FRYL: variants seen among roughly 807,000 people sequenced by gnomAD.
The protein encoded by FRYL is FRY like transcription coactivator.
Under a neutral mutation model 351.2 loss-of-function variants are expected in FRYL, and 150 were observed. That is an observed-to-expected ratio of 0.43 (90% CI 0.37 to 0.49). The LOEUF (loss-of-function observed/expected upper bound fraction) is 0.49, where lower values mean the gene tolerates loss of function less well. Among genes scored for constraint, FRYL ranks in the 20% least tolerant of loss-of-function variants. The probability of loss-of-function intolerance (pLI) is 0.00; values close to 1 mark genes in which losing one functional copy is unlikely to be tolerated. For missense variants in FRYL, 3,036 were observed against 3,619.3 expected (o/e 0.84, Z 4.13); for synonymous variants, 1,153 against 1,257.1 (o/e 0.92, Z 1.75).
At chr4:48,499,826 C>T (rs1719151322) in intron 63 of FRYL, 146 bp from the exon 64 acceptor site, 1 of 840,454 alleles carries the variant, frequency 1.2e-6, no homozygotes. Context: ...CTCAAAGTAC[C>T]ACCTGAATTC....
chr4:48,689,185 C>T (rs1765460172), intron 2 of FRYL, among the ~76,000 whole-genome samples: 1 of 152,046 alleles, frequency 6.6e-6, no homozygotes, highest in Admixed American at 6.5e-5. Flanking sequence ...CATTTTCAGC[C>T]AGAACAGCAG....
At chr4:48,592,137 GTTTAAGC>G (rs1743535348) in intron 16 of FRYL, among the ~76,000 whole-genome samples, 2 of 120,990 alleles carry the variant, frequency 1.7e-5, no homozygotes, top group Non-Finnish European at 3.4e-5. Flanking sequence ...AAGATTAAAA[GTTTAAGC>G]TTCACTCTTC....
intron 62 of FRYL, among the ~76,000 whole-genome samples, chr4:48,500,509 T>C (rs1180295129): frequency 2.0e-5 from 3 of 152,200 alleles, no homozygotes; most frequent in African/African-American, 7.2e-5. Flanking sequence ...TAAAAGTACA[T>C]TTACTGTTAT....
chr4:48,640,506 G>A (rs1755110391), intron 3 of FRYL, among the ~76,000 whole-genome samples: 1 of 152,136 alleles, frequency 6.6e-6, no homozygotes, highest in African/African-American at 2.4e-5. Flanking sequence ...GGAGAAGGGA[G>A]CAATGAATAG....
chr4:48,686,790 ATTC>A (rs1765189748), intron 2 of FRYL, among the ~76,000 whole-genome samples: 1 of 152,226 alleles, frequency 6.6e-6, no homozygotes, highest in Non-Finnish European at 1.5e-5. Context: ...GTATGTGTTT[ATTC>A]TTCTTGTAAT....
In FRYL at chr4:48,714,763, C is replaced by G. The variant is rs1379156870; in HGVS notation, c.-383-4065G>C. Among the ~76,000 whole-genome samples the G allele has an allele frequency of 2.6e-5, 4 of 151,294 alleles. No individual in the cohort carries two copies. The East Asian group carries it at 5.8e-4, about 22-fold the overall frequency. Reference sequence around the variant, plus strand: ...TAGAAAAAGAGGGAATCCTCCCTAACTCATTTTATGAGACCAGCATCATCC... The same window carrying G: ...TAGAAAAAGAGGGAATCCTCCCTAAGTCATTTTATGAGACCAGCATCATCC... On this transcript the variant is annotated intron_variant, in intron 1 of 63. Coordinates refer to ENST00000358350, the MANE Select transcript of FRYL (RefSeq NM_015030.2).
At chr4:48,754,805 C>A (rs555081222) in intron 1 of FRYL, among the ~76,000 whole-genome samples, 5 of 152,108 alleles carry the variant, frequency 3.3e-5, no homozygotes, top group Admixed American at 2.6e-4. Flanking sequence ...CCATGCCTTG[C>A]TAATTTTTGC....
In FRYL at chr4:48,553,604, G is replaced by A. The variant is rs370649990; in HGVS notation, c.4267-221C>T. On this transcript the variant is annotated intron_variant, in intron 35 of 63. Coordinates refer to ENST00000358350, the MANE Select transcript of FRYL (RefSeq NM_015030.2). The stretch of plus-strand genomic sequence containing the variant: ...ATTAGATCTAATTAGGGTGAACTGA[G>A]TATGTTTAGCGGTTTAGTGGTTTCC... 2.7e-5 allele frequency among the ~76,000 whole-genome samples: 4 copies of A among 150,090 alleles called. 1 individual carries two copies. In the East Asian group the frequency reaches 5.9e-4, roughly 22 times the overall value.
chr4:48,633,884 T>C (rs1329695895), intron 4 of FRYL, among the ~76,000 whole-genome samples: 2 of 37,764 alleles, frequency 5.3e-5, no homozygotes, highest in Non-Finnish European at 1.1e-4. Flanking sequence ...CTGACCCATG[T>C]GTTTGTTTTC....
intron 2 of FRYL, among the ~76,000 whole-genome samples, chr4:48,693,942 G>C (rs1379455194): frequency 6.6e-6 from 1 of 152,126 alleles, no homozygotes; most frequent in Non-Finnish European, 1.5e-5. Context: ...TACCAAGTTA[G>C]GCACATCATA....
At chr4:48,597,801 A>C (rs1578280497) in intron 13 of FRYL, among the ~76,000 whole-genome samples, 3 of 152,318 alleles carry the variant, frequency 2.0e-5, no homozygotes, top group Admixed American at 2.0e-4. Context: ...CTTGATTTTC[A>C]AACAAAGCTG....
In FRYL at chr4:48,661,328, G is replaced by C. The variant is rs544667562; in HGVS notation, c.-81+23345C>G. Among the ~76,000 whole-genome samples, 8 of 152,288 alleles carry C rather than the reference G, an allele frequency of 5.3e-5. No individual in the cohort carries two copies. In the East Asian group the frequency reaches 1.5e-3, roughly 29 times the overall value. On this transcript the variant is annotated intron_variant, in intron 3 of 63. Coordinates refer to ENST00000358350, the MANE Select transcript of FRYL (RefSeq NM_015030.2). ...GTATATGATCAAGGTTTTCAGACAT[G>C]ACAAAGGAGAATGATGACCCCTGAG...
chr4:48,759,265 G>A (rs927941546), intron 1 of FRYL, among the ~76,000 whole-genome samples: 5 of 152,038 alleles, frequency 3.3e-5, no homozygotes, highest in African/African-American at 1.2e-4. Context: ...GGCTTCTGAG[G>A]CTCAAGTGAA....
intron 35 of FRYL, among the ~76,000 whole-genome samples, chr4:48,554,405 C>T (rs1733610026): frequency 6.6e-6 from 1 of 151,750 alleles, no homozygotes; most frequent in Non-Finnish European, 1.5e-5. Context: ...GTGGCACCAT[C>T]GTGGCTCACT....
chr4:48,610,679 T>TATATATTATATAC (rs1166536161), intron 7 of FRYL, among the ~76,000 whole-genome samples: 1 of 145,974 alleles, frequency 6.9e-6, no homozygotes, highest in African/African-American at 2.5e-5. Context: ...TATATTATAT[T>TATATATTATATAC]ATATATTATA....
chr4:48,606,708 C>G, intron 9 of FRYL, 102 bp from the exon 10 acceptor site: 1 of 812,334 alleles, frequency 1.2e-6, no homozygotes, highest in Non-Finnish European at 1.8e-6. Context: ...TAAATATCAT[C>G]TCCTTTCTCT....
intron 3 of FRYL, among the ~76,000 whole-genome samples, chr4:48,656,402 A>ACTAAATAT (rs1759137773): frequency 3.4e-4 from 4 of 11,628 alleles, no homozygotes; most frequent in Non-Finnish European, 5.1e-4. Context: ...ATTAATATAT[A>ACTAAATAT]ATTATATATA....
At chr4:48,565,739 T>C in intron 28 of FRYL, 48 bp from the exon 29 acceptor site, 1 of 1,548,204 alleles carries the variant, frequency 6.5e-7, no homozygotes, top group Non-Finnish European at 8.8e-7. Context: ...TTCTTTTTGC[T>C]TTAACTTTTA....
At chr4:48,757,065 A>T (rs1313382758) in intron 1 of FRYL, among the ~76,000 whole-genome samples, 4 of 152,226 alleles carry the variant, frequency 2.6e-5, no homozygotes, top group Admixed American at 2.6e-4. Context: ...TCCCCAAGAC[A>T]AGGCAGCTCT....
Sources: gnomAD v4.1 joint callset for allele counts (sites outside exome capture counted in the v4.1 genomes callset) on GRCh38, gnomAD v4.1.1 for gene constraint, MANE v1.5 for transcripts, NCBI Gene and HGNC (gene_info 2026-07-23, HGNC 2026-07-21) for gene names.